MGAT5B: variants seen among roughly 807,000 people sequenced by gnomAD.
MGAT5B encodes the protein N-acetylglucosaminyl-transferase Vb.
In MGAT5B, 54 loss-of-function variants were observed where a neutral mutation model predicts 95.1. The ratio of observed to expected loss-of-function variants is 0.57; its 90% CI spans 0.46 to 0.71. MGAT5B has a LOEUF of 0.71. Among genes scored for constraint, MGAT5B ranks in the 30% least tolerant of loss-of-function variants. MGAT5B has a pLI of 0.00. For synonymous variants in MGAT5B, 464 were observed against 451.0 expected, an observed-to-expected ratio of 1.03 and a Z score of -0.36; for missense variants, 935 against 1,088.6, an observed-to-expected ratio of 0.86 and a Z score of 1.99.
At position 76,948,950 on chromosome 17, in the gene MGAT5B, C is replaced by A; in HGVS notation, c.*112C>A. The A allele has an allele frequency of 8.3e-7, 1 of 1,202,308 alleles. No individual in the cohort carries two copies. Among genetic ancestry groups the A allele is most frequent in the Non-Finnish European group, 1.1e-6 (1 of 877,236 alleles). The allele number at this position is 1,202,308 out of a possible 1,614,324, so 74.5% of individuals were successfully genotyped here. A position where few individuals can be genotyped will look rare whatever the true frequency, so the allele number is the denominator to read the frequency against. On this transcript the variant is annotated 3_prime_UTR_variant, in exon 18 of 18. Coordinates refer to ENST00000569840, the MANE Select transcript of MGAT5B (RefSeq NM_001199172.2). ...TTGTCCTCCTCGCAACCCCCCCAGGCCGGAGCTTCCTTCCTTAGCCGGGAA... is the reference window on the plus strand; with the variant it reads ...TTGTCCTCCTCGCAACCCCCCCAGGACGGAGCTTCCTTCCTTAGCCGGGAA...
chr17:76,942,188 C>G (rs905686532), intron 15 of MGAT5B, among the ~76,000 whole-genome samples: 1 of 152,226 alleles, frequency 6.6e-6, no homozygotes, highest in Non-Finnish European at 1.5e-5. Context: ...GTGTTGTCCC[C>G]TGTCCTGGGC....
chr17:76,897,727 T>TTCTTTCTTTCTTTCTTTCTTTC, intron 3 of MGAT5B, among the ~76,000 whole-genome samples: 1 of 72,436 alleles, frequency 1.4e-5, no homozygotes, highest in East Asian at 4.9e-4. Context: ...CTTTCTTTCT[T>TTCTTTCTTTCTTTCTTTCTTTC]TTTCTTTTTT....
rs141206366 is a variant in MGAT5B at position 76,940,455 on chromosome 17, C to T, written c.1638C>T (p.Ile546=). 1.1e-4 allele frequency: 176 copies of T among 1,613,866 alleles called. No homozygotes were observed. Among genetic ancestry groups the T allele is most frequent in the South Asian group, 1.8e-4 (16 of 91,052 alleles). The change falls in exon 14 of 18, where the codon ATC becomes ATT. Residue 546 remains isoleucine, a synonymous_variant. Coordinates refer to ENST00000569840, the MANE Select transcript of MGAT5B (RefSeq NM_001199172.2). This position sits in a 1 kb window ranked among gnomAD's most constrained non-coding sequence, Gnocchi z 4.3. Reference sequence around the variant, plus strand: ...AGGGCCCCGCCCCCCTGGAGGCCATCGCCAATGGTTGCATCTTCCTGCAGT... The same window carrying T: ...AGGGCCCCGCCCCCCTGGAGGCCATTGCCAATGGTTGCATCTTCCTGCAGT... ...PYEGPAPLEA[I]ANGCIFLQSR...
chr17:76,876,267 G>T (rs1967184417), intron 2 of MGAT5B, among the ~76,000 whole-genome samples: 1 of 152,092 alleles, frequency 6.6e-6, no homozygotes, highest in South Asian at 2.1e-4. Flanking sequence ...CTGAGGGAAG[G>T]ATTAGGGCTT....
At chr17:76,879,893 A>G (rs1967343369) in intron 2 of MGAT5B, among the ~76,000 whole-genome samples, 1 of 152,156 alleles carries the variant, frequency 6.6e-6, no homozygotes, top group African/African-American at 2.4e-5. Context: ...CCAAGTTATG[A>G]GCGATGGCTC....
At chr17:76,944,859 C>T (rs1020269189) in intron 15 of MGAT5B, among the ~76,000 whole-genome samples, 1 of 152,176 alleles carries the variant, frequency 6.6e-6, no homozygotes, top group African/African-American at 2.4e-5. Context: ...CTAGCACCAC[C>T]CAACGCTGAT....
At chr17:76,893,217 C>A (rs548339986) in intron 3 of MGAT5B, among the ~76,000 whole-genome samples, 17 of 152,284 alleles carry the variant, frequency 1.1e-4, no homozygotes, top group East Asian at 9.7e-4. Flanking sequence ...CCCTGATAAC[C>A]CCCCTCAGGG....
At chr17:76,936,163 T>G (rs1036418262) in intron 12 of MGAT5B, among the ~76,000 whole-genome samples, 2 of 151,926 alleles carry the variant, frequency 1.3e-5, no homozygotes, top group Non-Finnish European at 2.9e-5. Flanking sequence ...ATCTCAGAAC[T>G]TTGGGAGGCC....
At chr17:76,880,936 C>T (rs1967386787) in intron 2 of MGAT5B, among the ~76,000 whole-genome samples, 1 of 152,208 alleles carries the variant, frequency 6.6e-6, no homozygotes, top group African/African-American at 2.4e-5. Flanking sequence ...GAGCCCAACC[C>T]ACGGCATCCT....
chr17:76,872,442 C>T (rs1967042259), intron 1 of MGAT5B, among the ~76,000 whole-genome samples: 1 of 152,194 alleles, frequency 6.6e-6, no homozygotes, highest in African/African-American at 2.4e-5. Flanking sequence ...CTTGCTCCAC[C>T]CCAGAGTATC....
chr17:76,921,235 C>T (rs1033959145), intron 8 of MGAT5B, among the ~76,000 whole-genome samples: 8 of 152,184 alleles, frequency 5.3e-5, no homozygotes, highest in African/African-American at 1.9e-4. Context: ...GCCGGGACCA[C>T]CTTGAAATTT....
intron 10 of MGAT5B, among the ~76,000 whole-genome samples, chr17:76,929,749 A>G (rs1312474625): frequency 6.6e-6 from 1 of 152,222 alleles, no homozygotes; most frequent in Non-Finnish European, 1.5e-5. Context: ...TGATTTCTCC[A>G]GGGAGCTAAC....
intron 3 of MGAT5B, among the ~76,000 whole-genome samples, chr17:76,900,639 G>A (rs1455317375): frequency 6.6e-6 from 1 of 152,232 alleles, no homozygotes; most frequent in African/African-American, 2.4e-5. Context: ...GAGTCTAAAG[G>A]CGCCGGCCCT....
intron 10 of MGAT5B, among the ~76,000 whole-genome samples, chr17:76,932,339 G>T (rs1472802841): frequency 2.0e-5 from 3 of 151,996 alleles, no homozygotes; most frequent in Non-Finnish European, 2.9e-5. Context: ...TCACTATGTT[G>T]CCCAGGGTGG....
At chr17:76,942,912 T>C (rs904297441) in intron 15 of MGAT5B, among the ~76,000 whole-genome samples, 1 of 152,138 alleles carries the variant, frequency 6.6e-6, no homozygotes, top group African/African-American at 2.4e-5. Flanking sequence ...GCAGAGGGGC[T>C]CGGGCAAGGC....
intron 8 of MGAT5B, among the ~76,000 whole-genome samples, chr17:76,920,663 TCTC>T (rs922834389): frequency 1.3e-5 from 2 of 151,978 alleles, no homozygotes; most frequent in Non-Finnish European, 2.9e-5. Flanking sequence ...CATGTGGGCT[TCTC>T]CTTAACTCCT....
At chr17:76,902,381 C>G (rs1449238673) in intron 3 of MGAT5B, among the ~76,000 whole-genome samples, 174 bp from the exon 4 acceptor site, 2 of 152,178 alleles carry the variant, frequency 1.3e-5, no homozygotes, top group African/African-American at 4.8e-5. Context: ...GGGCTGCCAG[C>G]TCCATCTTCT....
intron 3 of MGAT5B, among the ~76,000 whole-genome samples, chr17:76,895,886 A>G (rs1968047513): frequency 1.3e-5 from 2 of 152,226 alleles, no homozygotes; most frequent in South Asian, 4.1e-4. Context: ...TCTTTGATCT[A>G]CAAGGGGTTT....
Position 76,869,112 on chromosome 17 carries a change from T to C in MGAT5B, c.68+15T>C, listed in dbSNP as rs1163307566. The C allele has an allele frequency of 6.2e-7, 1 of 1,613,580 alleles. No homozygotes were observed. The highest frequency in any genetic ancestry group is 8.5e-7 in the Non-Finnish European group (1 of 1,179,568). On this transcript the variant is annotated intron_variant, in intron 1 of 17. Transcript: ENST00000569840. This position sits in a 1 kb window ranked among gnomAD's most constrained non-coding sequence, Gnocchi z 7.0. The stretch of plus-strand genomic sequence containing the variant: ...AGACCCTTTCGGTAAAGTTCCCTCC[T>C]GGTTGGTTTTTTCCCCAGGGGGGCG...
Sources: gnomAD v4.1 joint callset for allele counts (sites outside exome capture counted in the v4.1 genomes callset) on GRCh38, gnomAD v4.1.1 for gene constraint, Gnocchi (gnomAD v3.1) non-coding constraint, MANE v1.5 for transcripts, NCBI Gene and HGNC (gene_info 2026-07-23, HGNC 2026-07-21) for gene names.